Variants in SLCO5A1 observed in about 807,000 individuals in gnomAD.
SLCO5A1 encodes organic anion transporter polypeptide-related protein 4.
Under a neutral mutation model 65.1 loss-of-function variants are expected in SLCO5A1, and 39 were observed. The ratio of observed to expected loss-of-function variants is 0.60; its 90% CI spans 0.46 to 0.78. SLCO5A1 has a LOEUF of 0.78. Ranked by LOEUF, SLCO5A1 falls within the 30% of genes least tolerant of loss-of-function variation. SLCO5A1 has a pLI of 0.00. For synonymous variants in SLCO5A1, 438 were observed against 415.7 expected, an observed-to-expected ratio of 1.05 and a Z score of -0.65; for missense variants, 1,029 against 1,069.4, an observed-to-expected ratio of 0.96 and a Z score of 0.53.
chr8:69,735,092 G>A (rs182978894), intron 5 of SLCO5A1, among the ~76,000 whole-genome samples: 127 of 152,288 alleles, frequency 8.3e-4, no homozygotes, highest in Non-Finnish European at 1.3e-3. Flanking sequence ...CTGATTATTA[G>A]AGAAATGCAA....
intron 5 of SLCO5A1, among the ~76,000 whole-genome samples, chr8:69,718,695 C>T (rs111823247): frequency 1.2e-4 from 18 of 152,206 alleles, no homozygotes; most frequent in African/African-American, 3.4e-4. Flanking sequence ...TTTAATTTAA[C>T]GGAAAACATT....
chr8:69,814,619 A>G (rs373146972), intron 2 of SLCO5A1, among the ~76,000 whole-genome samples: 5 of 152,204 alleles, frequency 3.3e-5, no homozygotes, highest in African/African-American at 1.2e-4. Flanking sequence ...AACTAAAAAT[A>G]GAATTACCGT....
At chr8:69,745,093 C>T (rs144665087) in intron 4 of SLCO5A1, among the ~76,000 whole-genome samples, 22 of 152,224 alleles carry the variant, frequency 1.4e-4, no homozygotes, top group African/African-American at 5.3e-4. Context: ...AGCAACAAAG[C>T]TTTAAATATT....
intron 6 of SLCO5A1, among the ~76,000 whole-genome samples, chr8:69,697,164 T>G (rs1309783994): frequency 2.0e-5 from 3 of 152,218 alleles, no homozygotes; most frequent in Non-Finnish European, 4.4e-5. Flanking sequence ...CACTCATTCA[T>G]TCGTTCATTC....
chr8:69,814,507 A>G (rs1019771010), intron 2 of SLCO5A1, among the ~76,000 whole-genome samples: 5 of 152,164 alleles, frequency 3.3e-5, no homozygotes, highest in Non-Finnish European at 7.4e-5. Context: ...TATTATCATC[A>G]AGTTTTGATG....
chr8:69,668,774 C>T lies in SLCO5A1; in HGVS notation c.*4095G>A, dbSNP rs1228629348. 1 of 152,124 alleles carries T rather than the reference C, an allele frequency of 6.6e-6. No individual in the cohort carries two copies. Among genetic ancestry groups the T allele is most frequent in the Non-Finnish European group, 1.5e-5 (1 of 68,022 alleles). The allele number at this position is 152,124 out of a possible 1,614,324, so 9.4% of individuals were successfully genotyped here. A position where few individuals can be genotyped will look rare whatever the true frequency, so the allele number is the denominator to read the frequency against. On this transcript the variant is annotated 3_prime_UTR_variant, in exon 10 of 10. Transcript: ENST00000260126. ...TGAACATGGAGGACCACCATGACAT[C>T]CATGAGGCCTTACTCCATGTAACTC...
At chr8:69,821,547 A>G (rs1312813789) in intron 2 of SLCO5A1, among the ~76,000 whole-genome samples, 1 of 152,056 alleles carries the variant, frequency 6.6e-6, no homozygotes, top group Non-Finnish European at 1.5e-5. Flanking sequence ...AGTGGCTCAC[A>G]TCTGTAATCC....
At chr8:69,772,595 AAAGG>A (rs2130875058) in intron 2 of SLCO5A1, among the ~76,000 whole-genome samples, 2 of 136,514 alleles carry the variant, frequency 1.5e-5, no homozygotes, top group Admixed American at 1.5e-4. Flanking sequence ...AAAGGAAAGG[AAAGG>A]AAAGGAAAGG....
chr8:69,814,084 T>C (rs768612261), intron 2 of SLCO5A1, among the ~76,000 whole-genome samples: 6 of 151,932 alleles, frequency 3.9e-5, no homozygotes, highest in African/African-American at 9.7e-5. Flanking sequence ...GAAAAAAACA[T>C]GACATTGGAA....
Position 69,723,418 on chromosome 8 carries a change from AT to A in SLCO5A1, c.1423+14621del, listed in dbSNP as rs199595698. On this transcript the variant is annotated intron_variant, in intron 5 of 9. Coordinates refer to ENST00000260126, the MANE Select transcript of SLCO5A1 (RefSeq NM_030958.3). ...AGGCACAAGCCACCATGCCCACCTA[AT>A]TTTTTTTTTTATTTTTTGTAGAGAT... 5.6e-3 allele frequency among the ~76,000 whole-genome samples: 826 copies of A among 146,770 alleles called. 5 individuals are homozygous for A. The highest frequency in any genetic ancestry group is 0.041 in the East Asian group (203 of 5,012).
Position 69,672,630 on chromosome 8 carries a change from G to A in SLCO5A1, c.*239C>T. 1.9e-6 allele frequency: 1 copy of A among 533,888 alleles called. No homozygotes were observed. Among genetic ancestry groups the A allele is most frequent in the South Asian group, 2.6e-5 (1 of 38,232 alleles). 33.1% of individuals were successfully genotyped at this position (533,888 alleles called of 1,614,324 possible). On this transcript the variant is annotated 3_prime_UTR_variant, in exon 10 of 10. Transcript: ENST00000260126. ...AGCATGAGCTTTGAATTAACACAAC[G>A]GAAATGGGAACAAATCTAGCTGAAC... is the stretch of plus-strand genomic sequence containing the variant.
At chr8:69,679,900 A>G (rs1813696559) in intron 7 of SLCO5A1, among the ~76,000 whole-genome samples, 1 of 152,144 alleles carries the variant, frequency 6.6e-6, no homozygotes, top group Admixed American at 6.5e-5. Context: ...CATTTTTGTC[A>G]TCATTATATT....
intron 5 of SLCO5A1, among the ~76,000 whole-genome samples, chr8:69,729,484 T>C (rs940477023): frequency 7.7e-6 from 1 of 129,224 alleles, no homozygotes; most frequent in Non-Finnish European, 1.7e-5. Flanking sequence ...ATAACTGCAA[T>C]GGAGTAAAGC....
intron 6 of SLCO5A1, among the ~76,000 whole-genome samples, chr8:69,694,367 G>A (rs540574736): frequency 2.0e-5 from 3 of 152,292 alleles, no homozygotes; most frequent in African/African-American, 7.2e-5. Flanking sequence ...ACATGTGTAA[G>A]TGCCAATCAC....
intron 4 of SLCO5A1, among the ~76,000 whole-genome samples, chr8:69,748,809 C>CA (rs1405425891): frequency 2.0e-5 from 3 of 152,172 alleles, no homozygotes; most frequent in African/African-American, 7.2e-5. Context: ...TCTCAGGCCG[C>CA]ACTCCAGACC....
At chr8:69,696,860 T>C (rs941364327) in intron 6 of SLCO5A1, among the ~76,000 whole-genome samples, 1 of 151,724 alleles carries the variant, frequency 6.6e-6, no homozygotes, top group African/African-American at 2.4e-5. Flanking sequence ...CAGAATGCTA[T>C]GAAAAGGGAA....
At chr8:69,674,662 C>T (rs1378800969) in intron 9 of SLCO5A1, among the ~76,000 whole-genome samples, 1 of 151,696 alleles carries the variant, frequency 6.6e-6, no homozygotes, top group East Asian at 1.9e-4. Context: ...TCACCTTTAC[C>T]TCCAAATCAT....
chr8:69,672,892 C>CG lies in SLCO5A1; in HGVS notation c.2523dup (p.Ala842ArgfsTer16), dbSNP rs1256531612. 12 of 1,612,246 alleles carry CG rather than the reference C, an allele frequency of 7.4e-6. No individual in the cohort carries two copies. The highest frequency in any genetic ancestry group is 7.6e-6 in the Non-Finnish European group (9 of 1,178,574). The stretch of plus-strand genomic sequence containing the variant: ...CTTCAGGAGGGCGGCTCCAAGGCAG[C>CG]GGGGCTCTCTTCCAGCCCCGGGTCC... On this transcript the variant is annotated frameshift_variant, in exon 10 of 10. Transcript: ENST00000260126. LOFTEE classifies it high-confidence loss of function.
chr8:69,730,438 T>C (rs1816281466), intron 5 of SLCO5A1, among the ~76,000 whole-genome samples: 1 of 152,186 alleles, frequency 6.6e-6, no homozygotes, highest in Non-Finnish European at 1.5e-5. Context: ...GAAGGAAGAA[T>C]TATAGAGTTC....
Sources: allele counts gnomAD v4.1 joint callset (sites outside exome capture counted in the v4.1 genomes callset), GRCh38; gene constraint gnomAD v4.1.1; transcripts MANE v1.5; gene names NCBI Gene and HGNC (gene_info 2026-07-23, HGNC 2026-07-21).